SLC24A2: variants seen among roughly 807,000 people sequenced by gnomAD.
SLC24A2 encodes the protein sodium/potassium/calcium exchanger 2.
Under a neutral mutation model 62.0 loss-of-function variants are expected in SLC24A2, and 36 were observed. That is an observed-to-expected ratio of 0.58 (90% CI 0.44 to 0.77). SLC24A2 has a LOEUF of 0.77. SLC24A2 is among the 30% of genes least tolerant of loss of function. The probability of loss-of-function intolerance (pLI) is 0.00; values close to 1 mark genes in which losing one functional copy is unlikely to be tolerated. For missense variants in SLC24A2, 846 were observed against 817.9 expected, an observed-to-expected ratio of 1.03 and a Z score of -0.42; for synonymous variants, 358 against 294.0, an observed-to-expected ratio of 1.22 and a Z score of -2.23.
intron 2 of SLC24A2, among the ~76,000 whole-genome samples, chr9:19,721,539 C>T (rs537157488): frequency 6.6e-6 from 1 of 151,956 alleles, no homozygotes; most frequent in East Asian, 1.9e-4. Flanking sequence ...AAGCTTTAAC[C>T]ATGAGATGAT....
chr9:19,670,994 T>G (rs1238574785), intron 2 of SLC24A2, among the ~76,000 whole-genome samples: 2 of 111,080 alleles, frequency 1.8e-5, no homozygotes, highest in African/African-American at 5.4e-5. Flanking sequence ...ACAAGGAGGT[T>G]TGATAATAAA....
the SLC24A2 span, among the ~76,000 whole-genome samples, chr9:20,108,260 C>G: frequency 1.3e-5 from 2 of 152,176 alleles, no homozygotes; most frequent in East Asian, 1.9e-4. Flanking sequence ...GGACTGTAAA[C>G]TAGTTCAACC....
At chr9:20,002,900 G>A in the SLC24A2 span, among the ~76,000 whole-genome samples, 2 of 152,170 alleles carry the variant, frequency 1.3e-5, no homozygotes, top group Non-Finnish European at 2.9e-5. Flanking sequence ...TACCTGTAGG[G>A]CTGACTCTAC....
At chr9:19,757,205 C>T (rs752537002) in intron 2 of SLC24A2, among the ~76,000 whole-genome samples, 1 of 151,938 alleles carries the variant, frequency 6.6e-6, no homozygotes, top group Admixed American at 6.6e-5. Flanking sequence ...GGCAAGACTG[C>T]GTTTCATTTG....
At chr9:19,976,189 T>TA in the SLC24A2 span, among the ~76,000 whole-genome samples, 170 of 151,380 alleles carry the variant, frequency 1.1e-3, 4 homozygotes, top group East Asian at 0.03. Context: ...CAGTGCAAGT[T>TA]AAAAAAAAAT....
At chr9:19,699,142 AC>A (rs1235798557) in intron 2 of SLC24A2, among the ~76,000 whole-genome samples, 1 of 152,076 alleles carries the variant, frequency 6.6e-6, no homozygotes, top group East Asian at 1.9e-4. Flanking sequence ...AATTACTGTA[AC>A]AGCTGATTAT....
chr9:19,784,960 G>A (rs935469080), intron 2 of SLC24A2, among the ~76,000 whole-genome samples: 5 of 151,046 alleles, frequency 3.3e-5, no homozygotes, highest in African/African-American at 1.2e-4. Context: ...TTCACCCCCT[G>A]CTCAAATATC....
At chr9:19,848,632 A>G in the SLC24A2 span, among the ~76,000 whole-genome samples, 4 of 152,334 alleles carry the variant, frequency 2.6e-5, no homozygotes, top group African/African-American at 4.8e-5. Flanking sequence ...GTAATTATAT[A>G]TAATAAGCAT....
At chr9:20,002,037 C>T in the SLC24A2 span, among the ~76,000 whole-genome samples, 4 of 152,118 alleles carry the variant, frequency 2.6e-5, no homozygotes, top group Non-Finnish European at 4.4e-5. Context: ...AAGTTTGAGG[C>T]AGTCCTCAGG....
At chr9:19,922,228 G>A in the SLC24A2 span, among the ~76,000 whole-genome samples, 2 of 152,156 alleles carry the variant, frequency 1.3e-5, no homozygotes, top group Admixed American at 1.3e-4. Context: ...TCCTAAGTAT[G>A]AAATAGCTTC....
the SLC24A2 span, among the ~76,000 whole-genome samples, chr9:20,037,022 A>C: frequency 6.6e-6 from 1 of 151,944 alleles, no homozygotes; most frequent in Non-Finnish European, 1.5e-5. Context: ...CAGCCTCCCA[A>C]GTAGCTGGGA....
chr9:19,937,370 T>C, the SLC24A2 span, among the ~76,000 whole-genome samples: 7 of 152,206 alleles, frequency 4.6e-5, no homozygotes, highest in African/African-American at 1.7e-4. Flanking sequence ...TTTTGTTTTT[T>C]CCCTTAGAAT....
the SLC24A2 span, among the ~76,000 whole-genome samples, chr9:20,052,787 G>GT: frequency 1.3e-5 from 2 of 152,080 alleles, no homozygotes; most frequent in Non-Finnish European, 2.9e-5. Context: ...AGATATTTGT[G>GT]TTTTTTTCTT....
At chr9:20,144,108 T>G in the SLC24A2 span, among the ~76,000 whole-genome samples, 50 of 152,250 alleles carry the variant, frequency 3.3e-4, no homozygotes, top group African/African-American at 1.2e-3. Flanking sequence ...AATAGGAAGA[T>G]AAGGACAGAA....
At chr9:19,731,652 C>A (rs991038980) in intron 2 of SLC24A2, among the ~76,000 whole-genome samples, 1 of 152,146 alleles carries the variant, frequency 6.6e-6, no homozygotes, top group Non-Finnish European at 1.5e-5. Context: ...CTTCCAGCCT[C>A]CAGTACTGTG....
chr9:19,765,319 G>T (rs910180364), intron 2 of SLC24A2, among the ~76,000 whole-genome samples: 1 of 152,126 alleles, frequency 6.6e-6, no homozygotes, highest in African/African-American at 2.4e-5. Context: ...ATTGTTATGT[G>T]TGAATCTGAT....
chr9:19,529,978 C>G (rs552283120), intron 8 of SLC24A2, among the ~76,000 whole-genome samples: 3 of 151,836 alleles, frequency 2.0e-5, no homozygotes, highest in Non-Finnish European at 4.4e-5. Context: ...GTTTCAAAAT[C>G]CTGACCTCAG....
intron 2 of SLC24A2, among the ~76,000 whole-genome samples, chr9:19,687,285 C>T (rs1885232): frequency 0.83 from 125,785 of 151,998 alleles, 52,097 homozygotes; most frequent in East Asian, 0.93. Context: ...AAATAAAAAT[C>T]AAAAAACAAA....
chr9:20,067,691 C>G, the SLC24A2 span, among the ~76,000 whole-genome samples: 2 of 152,130 alleles, frequency 1.3e-5, no homozygotes, highest in Non-Finnish European at 2.9e-5. Context: ...CCAGCTTTAT[C>G]CATGTTGCTG....
Sources: allele counts gnomAD v4.1 joint callset (sites outside exome capture counted in the v4.1 genomes callset), GRCh38; gene constraint gnomAD v4.1.1; transcripts MANE v1.5; gene names NCBI Gene and HGNC (gene_info 2026-07-23, HGNC 2026-07-21).